Variants in ANKRD27 observed in about 807,000 individuals in gnomAD.
ANKRD27 encodes the protein ankyrin repeat domain-containing protein 27.
In ANKRD27, 112 loss-of-function variants were observed where a neutral mutation model predicts 129.7. The ratio of observed to expected loss-of-function variants is 0.86; its 90% CI spans 0.74 to 1.01. The LOEUF is 1.01. Ranked by LOEUF, ANKRD27 falls within the 50% of genes least tolerant of loss-of-function variation. The pLI is 0.00. For synonymous variants in ANKRD27, 516 were observed against 511.2 expected (o/e 1.01, Z -0.13); for missense variants, 1,258 against 1,300.5 (o/e 0.97, Z 0.50).
chr19:32,672,779 C>G (rs1967897146), intron 1 of ANKRD27: 1 of 152,484 alleles, frequency 6.6e-6, no homozygotes, highest in Non-Finnish European at 1.5e-5. Context: ...AGAAGAACCA[C>G]CATGCACCCT....
rs910425304 is a variant in ANKRD27, at chr19:32,622,577, G to A, written c.1672C>T (p.Leu558Phe). ...LVYYDVESCR[L>F]DIGNEKGDTP... ...TCTCCTTTCTCATTGCCAATGTCAA[G>A]TCTGCACGACTCCACGTCGTAGTAA... The change falls in exon 18 of 29, where the codon CTT becomes TTT. Residue 558 changes from leucine (L) to phenylalanine (F), a missense_variant. By Grantham distance (22) the Leu-to-Phe change is conservative (BLOSUM62 0). Coordinates refer to ENST00000306065, the MANE Select transcript of ANKRD27 (RefSeq NM_032139.3). 2.2e-5 allele frequency: 36 copies of A among 1,613,924 alleles called. No individual in the cohort carries two copies. Among genetic ancestry groups the A allele is most frequent in the Non-Finnish European group, 2.9e-5 (34 of 1,180,040 alleles).
chr19:32,615,383 GAGACCAGTCTGGGCAAC>G (rs1971899993), intron 22 of ANKRD27, among the ~76,000 whole-genome samples: 1 of 152,114 alleles, frequency 6.6e-6, no homozygotes, highest in East Asian at 1.9e-4. Context: ...CTGGGAGGCC[GAGACCAGTCTGGGCAAC>G]ACAGAAAGGC....
intron 11 of ANKRD27, 137 bp downstream of exon 11, chr19:32,640,170 A>C: frequency 3.5e-6 from 2 of 573,208 alleles, no homozygotes; most frequent in Non-Finnish European, 3.2e-6. Context: ...TCACCGTGTT[A>C]GCCAGGATGG....
intron 2 of ANKRD27, among the ~76,000 whole-genome samples, chr19:32,653,134 G>A (rs1008761612): frequency 6.6e-6 from 1 of 152,128 alleles, no homozygotes; most frequent in East Asian, 1.9e-4. Context: ...CCCATTGATC[G>A]TGTAACCCTG....
intron 12 of ANKRD27, among the ~76,000 whole-genome samples, chr19:32,632,755 C>G (rs1967019318): frequency 6.6e-6 from 1 of 152,128 alleles, no homozygotes; most frequent in South Asian, 2.1e-4. Flanking sequence ...GAATTTTCTC[C>G]AGCCAGCGGC....
chr19:32,653,165 C>T (rs1010695769), intron 2 of ANKRD27, among the ~76,000 whole-genome samples: 6 of 152,092 alleles, frequency 3.9e-5, no homozygotes, highest in Non-Finnish European at 7.4e-5. Context: ...CGGTGCCTGG[C>T]GTGGAGTGGA....
At chr19:32,643,050 G>A (rs373915028) in intron 9 of ANKRD27, 73 bp downstream of exon 9, 17 of 1,465,178 alleles carry the variant, frequency 1.2e-5, no homozygotes, top group Non-Finnish European at 1.4e-5. Flanking sequence ...CTGCCACCGA[G>A]AGGGCCTGCT....
chr19:32,617,953 T>C (rs924276121), intron 20 of ANKRD27, among the ~76,000 whole-genome samples: 2 of 151,972 alleles, frequency 1.3e-5, no homozygotes, highest in African/African-American at 4.8e-5. Flanking sequence ...ATACAGGGTT[T>C]CTCCATATTG....
chr19:32,632,213 T>C (rs1281319133), intron 12 of ANKRD27, among the ~76,000 whole-genome samples: 1 of 151,596 alleles, frequency 6.6e-6, no homozygotes, highest in Admixed American at 6.6e-5. Flanking sequence ...CACTTAAACC[T>C]GGGAGGCAGA....
intron 26 of ANKRD27, chr19:32,600,353 A>AC (rs1971633680): frequency 4.6e-6 from 1 of 219,488 alleles, no homozygotes. Flanking sequence ...CAGCCTGGGC[A>AC]ACATGGAGAA....
rs760250668 is a variant in ANKRD27 at position 32,605,892 on chromosome 19, C to T, written c.2436G>A (p.Thr812=). 1.9e-5 allele frequency: 30 copies of T among 1,613,928 alleles called. No individual in the cohort carries two copies. Among genetic ancestry groups the T allele is most frequent in the Non-Finnish European group, 2.2e-5 (26 of 1,179,982 alleles). The change falls in exon 24 of 29, where the codon ACG becomes ACA. Residue 812 remains threonine (T), a synonymous_variant. Coordinates refer to ENST00000306065, the MANE Select transcript of ANKRD27 (RefSeq NM_032139.3). ...KPNKKDLSGN[T]PLIYACSGGH... ...CACCGGAGCAGGCGTAAATGAGGGG[C>T]GTGTTTCCACTGAGGTCCTTCTTAT... is the stretch of plus-strand genomic sequence containing the variant.
chr19:32,658,903 A>C lies in ANKRD27; in HGVS notation c.102+11T>G. 2 of 1,610,576 alleles carry C rather than the reference A, an allele frequency of 1.2e-6. No individual in the cohort carries two copies. Among genetic ancestry groups the C allele is most frequent in the Non-Finnish European group, 1.7e-6 (2 of 1,176,814 alleles). On this transcript the variant is annotated intron_variant, in intron 2 of 28. Coordinates refer to ENST00000306065, the MANE Select transcript of ANKRD27 (RefSeq NM_032139.3). ...ATGCCTCAGGACAACCCCGAGGCTC[A>C]GTGCACTTACAATGCCATGGATTTG...
At chr19:32,642,000 C>T (rs975077750) in intron 10 of ANKRD27, 24 bp downstream of exon 10, 12 of 1,555,416 alleles carry the variant, frequency 7.7e-6, no homozygotes, top group African/African-American at 1.4e-5. Context: ...TACCCCTTGG[C>T]CAGTCCCCTT....
At chr19:32,668,447 A>G (rs966490425) in intron 1 of ANKRD27, among the ~76,000 whole-genome samples, 2 of 150,302 alleles carry the variant, frequency 1.3e-5, no homozygotes, top group African/African-American at 4.9e-5. Flanking sequence ...TACAAGGCAT[A>G]AGCCACTGTG....
At chr19:32,658,157 G>T (rs745684130) in intron 2 of ANKRD27, among the ~76,000 whole-genome samples, 1 of 152,262 alleles carries the variant, frequency 6.6e-6, no homozygotes, top group East Asian at 1.9e-4. Context: ...CCATTTGAGA[G>T]AGTAGGGGAC....
chr19:32,605,871 G>A lies in ANKRD27; in HGVS notation c.2457C>T (p.Ser819=), dbSNP rs749417636. Residue 819 remains serine, a synonymous_variant, in exon 24 of 29, where the codon TCC becomes TCT. Coordinates refer to ENST00000306065, the MANE Select transcript of ANKRD27 (RefSeq NM_032139.3). ...GTGCCACAAGCTCGTGATGGCCACC[G>A]GAGCAGGCGTAAATGAGGGGCGTGT... ...SGNTPLIYAC[S]GGHHELVALL... is the part of the protein sequence containing the mutation. 59 of 1,613,928 alleles carry A rather than the reference G, an allele frequency of 3.7e-5. No homozygotes were observed. In the South Asian group the frequency reaches 4.7e-4, roughly 13 times the overall value.
chr19:32,622,692 C>T, intron 17 of ANKRD27, 73 bp from the exon 18 acceptor site: 1 of 1,437,610 alleles, frequency 7.0e-7, no homozygotes. Context: ...TCTCCTCGAC[C>T]TCCTCACCAA....
Position 32,644,361 on chromosome 19 carries a change from G to C in ANKRD27, c.489C>G (p.Phe163Leu), listed in dbSNP as rs1178030504. ...DRNIASFHRT[F>L]RECERKSLRH... ...GGAGGCTCTTTCTCTCGCATTCTCG[G>C]AATGTTCGATGGAAAGAGGCGATGT... The change falls in exon 5 of 29, where the codon TTC becomes TTG. Residue 163 changes from phenylalanine (F) to leucine (L), a missense_variant. Coordinates refer to ENST00000306065, the MANE Select transcript of ANKRD27 (RefSeq NM_032139.3). The C allele has an allele frequency of 1.9e-6, 3 of 1,613,772 alleles. No individual in the cohort carries two copies. Among genetic ancestry groups the C allele is most frequent in the Non-Finnish European group, 8.5e-7 (1 of 1,179,954 alleles).
intron 25 of ANKRD27, among the ~76,000 whole-genome samples, chr19:32,603,882 G>C (rs941736194): frequency 6.6e-6 from 1 of 152,118 alleles, no homozygotes; most frequent in African/African-American, 2.4e-5. Context: ...CTTCTCCATC[G>C]TGCTGCTAAG....
Sources: gnomAD v4.1 joint callset for allele counts (sites outside exome capture counted in the v4.1 genomes callset) on GRCh38, gnomAD v4.1.1 for gene constraint, MANE v1.5 for transcripts, NCBI Gene and HGNC (gene_info 2026-07-23, HGNC 2026-07-21) for gene names.